The following TLE3 variants were observed in gnomAD, a reference collection of about 807,000 sequenced individuals.
The protein encoded by TLE3 is transducin-like enhancer protein 3.
Under a neutral mutation model 93.0 loss-of-function variants are expected in TLE3, and 14 were observed. The ratio of observed to expected loss-of-function variants is 0.15; its 90% CI spans 0.10 to 0.24. The LOEUF (loss-of-function observed/expected upper bound fraction) is 0.24. Ranked by LOEUF, TLE3 falls within the 10% of genes least tolerant of loss-of-function variation. The pLI, the probability that TLE3 is intolerant of heterozygous loss-of-function variation, is 1.00. For missense variants in TLE3, 693 were observed against 1,046.6 expected (o/e 0.66, Z 4.66); for synonymous variants, 451 against 425.0 (o/e 1.06, Z -0.75).
chr15:70,054,277 G>A (rs1296752047), intron 16 of TLE3, 161 bp downstream of exon 16: 8 of 1,027,330 alleles, frequency 7.8e-6, no homozygotes, highest in Non-Finnish European at 1.1e-5. Flanking sequence ...CCTCGCATAA[G>A]GCAGGCGGAG....
rs1180589807 is a variant in TLE3, at chr15:70,054,665, G to T, written c.1599C>A (p.Arg533=). ...LDCLNRDNYI[R]SCKLLPDGRT... is the part of the protein sequence containing the mutation. Reference sequence around the variant, plus strand: ...GCCCATCAGGGAGCAGCTTGCAGGAGCGGATGTAATTGTCCCTGTTCTGGA... The same window carrying T: ...GCCCATCAGGGAGCAGCTTGCAGGATCGGATGTAATTGTCCCTGTTCTGGA... Residue 533 remains arginine, a synonymous_variant, in exon 16 of 20, where the codon CGC becomes CGA. Coordinates refer to ENST00000451782, the MANE Select transcript of TLE3 (RefSeq NM_001105192.3). The T allele has an allele frequency of 1.2e-6, 2 of 1,601,654 alleles. No homozygotes were observed. The highest frequency in any genetic ancestry group is 2.2e-5 in the East Asian group (1 of 44,586).
In TLE3 at chr15:70,050,222, G is replaced by A; in HGVS notation, c.2203-18C>T. 1 of 1,601,934 alleles carries A rather than the reference G, an allele frequency of 6.2e-7. No individual in the cohort carries two copies. The highest frequency in any genetic ancestry group is 8.6e-7 in the Non-Finnish European group (1 of 1,169,094). ...TCTTTAGACTGGAGGAGGAAGACGA[G>A]GAGAAGCAGCAGGAAGGCGTGGGGT... On this transcript the variant is annotated intron_variant, in intron 19 of 19. Coordinates refer to ENST00000451782, the MANE Select transcript of TLE3 (RefSeq NM_001105192.3).
At chr15:70,083,252 T>C (rs189485947) in intron 4 of TLE3, among the ~76,000 whole-genome samples, 973 of 40,794 alleles carry the variant, frequency 0.024, 7 homozygotes, top group Admixed American at 0.039. Context: ...AAGTCCCTCC[T>C]GGCTTTAGGA....
Position 70,055,264 on chromosome 15 carries a change from T to A in TLE3, c.1363A>T (p.Met455Leu). 6.2e-7 allele frequency: 1 copy of A among 1,603,684 alleles called. No homozygotes were observed. The highest frequency in any genetic ancestry group is 8.5e-7 in the Non-Finnish European group (1 of 1,175,442). Residue 455 changes from methionine to leucine, a missense_variant, in exon 15 of 20, where the codon ATG becomes TTG. Physicochemically the swap from Met to Leu is conservative, Grantham distance 15 (BLOSUM62 2). Transcript: ENST00000451782. ...YSFHVSADGQMQPVPFPHDAL... is the reference protein window; with the variant it reads ...YSFHVSADGQLQPVPFPHDAL... ...TCGTGGGGGAAGGGCACGGGCTGCA[T>A]CTGCCCATCAGCACTCACATGGAAT...
intron 8 of TLE3, chr15:70,060,853 T>TGC: frequency 1.4e-6 from 1 of 729,410 alleles, no homozygotes; most frequent in Non-Finnish European, 2.3e-6. Flanking sequence ...CCCGGGGAGA[T>TGC]GCCCTGGGCG....
At position 70,049,960 on chromosome 15, in the gene TLE3, C is replaced by T. The variant is rs368309998; in HGVS notation, c.*137G>A. On this transcript the variant is annotated 3_prime_UTR_variant, in exon 20 of 20. Transcript: ENST00000451782. Reference sequence around the variant, plus strand: ...GTGACGGGGCACGTGCCCTCTCAGCCGGCCGGAGCGCAGCCCTGAACGCTC... The same window carrying T: ...GTGACGGGGCACGTGCCCTCTCAGCTGGCCGGAGCGCAGCCCTGAACGCTC... 91 of 674,556 alleles carry T rather than the reference C, an allele frequency of 1.3e-4. No homozygotes were observed. The highest frequency in any genetic ancestry group is 1.5e-4 in the Admixed American group (6 of 40,056). The allele number at this position is 674,556 out of a possible 1,614,324, so 41.8% of individuals were successfully genotyped here. A position where few individuals can be genotyped will look rare whatever the true frequency, so the allele number is the denominator to read the frequency against.
intron 1 of TLE3, 152 bp downstream of exon 1, chr15:70,096,623 C>T: frequency 2.6e-6 from 4 of 1,544,646 alleles, no homozygotes; most frequent in South Asian, 1.2e-5. Flanking sequence ...CTCTCAACGG[C>T]GCCCCCCGGC....
chr15:70,055,479 G>A lies in TLE3; in HGVS notation c.1329-181C>T, dbSNP rs539445841. The stretch of plus-strand genomic sequence containing the variant: ...GGGATGGCTCCATCGAGGTAGACAT[G>A]ATTAACAGACCAGCTTTGATTTTTA... On this transcript the variant is annotated intron_variant, in intron 14 of 19. Coordinates refer to ENST00000451782, the MANE Select transcript of TLE3 (RefSeq NM_001105192.3). 97 of 641,722 alleles carry A rather than the reference G, an allele frequency of 1.5e-4. 1 individual carries two copies. The East Asian group carries it at 3.1e-3, about 20-fold the overall frequency. The allele number at this position is 641,722 out of a possible 1,614,324, so 39.8% of individuals were successfully genotyped here. A position where few individuals can be genotyped will look rare whatever the true frequency, so the allele number is the denominator to read the frequency against.
chr15:70,066,592 C>T (rs1878884), intron 6 of TLE3: 172,599 of 191,664 alleles, frequency 0.9, 79,446 homozygotes, highest in Non-Finnish European at 0.98. Flanking sequence ...AAGCTCACAG[C>T]CCTGGCAGTG....
intron 5 of TLE3, 66 bp from the exon 6 acceptor site, chr15:70,074,673 C>A: frequency 7.1e-7 from 1 of 1,400,982 alleles, no homozygotes; most frequent in Non-Finnish European, 9.8e-7. Context: ...ACAGGCTGTG[C>A]AGCACTGGCA....
chr15:70,095,932 G>C, intron 2 of TLE3: 2 of 644,990 alleles, frequency 3.1e-6, no homozygotes, highest in Admixed American at 3.1e-5. Context: ...CGCTCGCCGC[G>C]ACCTAGACCC....
chr15:70,079,867 C>T (rs557909154), intron 4 of TLE3, among the ~76,000 whole-genome samples: 153 of 151,742 alleles, frequency 1.0e-3, no homozygotes, highest in Non-Finnish European at 1.9e-3. Context: ...AAACTGATGC[C>T]CAGCCATTAA....
chr15:70,074,352 G>A (rs2057335458), intron 6 of TLE3, 181 bp downstream of exon 6: 1 of 649,668 alleles, frequency 1.5e-6, no homozygotes, highest in Non-Finnish European at 2.5e-6. Flanking sequence ...GAGGCAACTG[G>A]GAGCCAAGGG....
At chr15:70,056,395 G>A (rs750143346) in intron 13 of TLE3, 21 bp from the exon 14 acceptor site, 1 of 1,607,248 alleles carries the variant, frequency 6.2e-7, no homozygotes, top group Non-Finnish European at 8.5e-7. Context: ...AGGCAAGACA[G>A]CCCTCCATCA....
chr15:70,065,973 A>ACCCCCGGCCCCCCCCCCC, intron 7 of TLE3, 41 bp downstream of exon 7: 1 of 806,252 alleles, frequency 1.2e-6, no homozygotes, highest in Non-Finnish European at 2.1e-6. Flanking sequence ...GCCCATGCCC[A>ACCCCCGGCCCCCCCCCCC]CCCCTGCCCC....
At chr15:70,061,381 T>C (rs2056464935) in intron 8 of TLE3, among the ~76,000 whole-genome samples, 1 of 152,094 alleles carries the variant, frequency 6.6e-6, no homozygotes, top group Non-Finnish European at 1.5e-5. Context: ...GGTTGGTGAA[T>C]GTGCCCAAGC....
chr15:70,091,010 G>C (rs2058282509), intron 4 of TLE3, among the ~76,000 whole-genome samples: 1 of 152,214 alleles, frequency 6.6e-6, no homozygotes, highest in South Asian at 2.1e-4. Context: ...TTACAGAAAA[G>C]AGTCCTGGGT....
At chr15:70,095,324 TA>T in intron 3 of TLE3, 1 of 1,399,462 alleles carries the variant, frequency 7.1e-7, no homozygotes, top group Middle Eastern at 1.9e-4. Context: ...TAAAGGCACA[TA>T]AAGATAGTAC....
At chr15:70,080,037 A>G (rs1419616427) in intron 4 of TLE3, among the ~76,000 whole-genome samples, 1 of 148,286 alleles carries the variant, frequency 6.7e-6, no homozygotes. Context: ...AACTCAAACA[A>G]GCTCTAAACA....
Sources: allele counts gnomAD v4.1 joint callset (sites outside exome capture counted in the v4.1 genomes callset), GRCh38; gene constraint gnomAD v4.1.1; transcripts MANE v1.5; gene names NCBI Gene and HGNC (gene_info 2026-07-23, HGNC 2026-07-21).